Variants in NLGN1 observed in about 807,000 individuals in gnomAD.
The protein encoded by NLGN1 is neuroligin 1.
A neutral mutation model predicts 65.5 loss-of-function variants in NLGN1; 12 were observed. That is an observed-to-expected ratio of 0.18 (90% CI 0.12 to 0.30). NLGN1 has a LOEUF of 0.30. Ranked by LOEUF, NLGN1 falls within the 10% of genes least tolerant of loss-of-function variation. The pLI, the probability that NLGN1 is intolerant of heterozygous loss-of-function variation, is 1.00. For synonymous variants in NLGN1, 350 were observed against 359.5 expected (o/e 0.97, Z 0.30); for missense variants, 750 against 1,007.1 (o/e 0.74, Z 3.46).
At chr3:174,072,439 T>G (rs2152536449) in intron 4 of NLGN1, among the ~76,000 whole-genome samples, 1 of 152,252 alleles carries the variant, frequency 6.6e-6, no homozygotes, top group South Asian at 2.1e-4. Flanking sequence ...AATGGTTATT[T>G]GACAGGTGCC....
At chr3:173,700,878 C>T (rs1283990654) in intron 3 of NLGN1, among the ~76,000 whole-genome samples, 1 of 152,178 alleles carries the variant, frequency 6.6e-6, no homozygotes, top group East Asian at 1.9e-4. Flanking sequence ...GTAATCCCAG[C>T]ACTTTGGGAG....
chr3:173,776,208 A>C (rs896988606), intron 3 of NLGN1, among the ~76,000 whole-genome samples: 1 of 152,070 alleles, frequency 6.6e-6, no homozygotes, highest in Non-Finnish European at 1.5e-5. Context: ...TGAACAAAAA[A>C]ACTTTATTAG....
intron 4 of NLGN1, among the ~76,000 whole-genome samples, chr3:173,912,261 C>T (rs1332086752): frequency 6.6e-6 from 1 of 152,156 alleles, no homozygotes; most frequent in Non-Finnish European, 1.5e-5. Flanking sequence ...TAGTCACACT[C>T]TTTGATTCAA....
At chr3:174,289,195 C>T (rs1015091491), downstream of NLGN1, among the ~76,000 whole-genome samples, 2 of 151,290 alleles carry the variant, frequency 1.3e-5, no homozygotes, top group African/African-American at 4.8e-5. Flanking sequence ...TTACTAAGCC[C>T]TTTTATGTTC....
chr3:173,694,851 T>G (rs1315650332), intron 3 of NLGN1, among the ~76,000 whole-genome samples: 2 of 152,124 alleles, frequency 1.3e-5, no homozygotes, highest in African/African-American at 4.8e-5. Context: ...GCAAACAATA[T>G]TAGCAGAAAA....
chr3:173,562,050 T>G (rs1189501397), intron 2 of NLGN1, among the ~76,000 whole-genome samples: 1 of 152,084 alleles, frequency 6.6e-6, no homozygotes, highest in Non-Finnish European at 1.5e-5. Flanking sequence ...TTTTAGATGG[T>G]GGGGAAGCAT....
At chr3:174,061,178 G>A (rs760331591) in intron 4 of NLGN1, among the ~76,000 whole-genome samples, 1 of 152,034 alleles carries the variant, frequency 6.6e-6, no homozygotes, top group Non-Finnish European at 1.5e-5. Flanking sequence ...CACACAGATT[G>A]TAAAAGGTCA....
chr3:174,289,445 A>G (rs1421915608), downstream of NLGN1, among the ~76,000 whole-genome samples: 1 of 151,366 alleles, frequency 6.6e-6, no homozygotes, highest in Non-Finnish European at 1.5e-5. Context: ...CACAGCACAA[A>G]AGACACAATC....
chr3:173,739,009 G>T (rs1457578710), intron 3 of NLGN1, among the ~76,000 whole-genome samples: 1 of 152,008 alleles, frequency 6.6e-6, no homozygotes, highest in East Asian at 1.9e-4. Flanking sequence ...CATGGAGGAG[G>T]CTGTTCAAGA....
At chr3:174,061,479 C>A (rs1580074426) in intron 4 of NLGN1, among the ~76,000 whole-genome samples, 1 of 152,080 alleles carries the variant, frequency 6.6e-6, no homozygotes, top group Non-Finnish European at 1.5e-5. Flanking sequence ...AGGGATAAAG[C>A]ATGTCAGCTT....
intron 3 of NLGN1, among the ~76,000 whole-genome samples, chr3:173,650,813 A>C (rs1472469912): frequency 1.3e-5 from 2 of 152,102 alleles, no homozygotes; most frequent in Non-Finnish European, 2.9e-5. Context: ...TTCATTGGAG[A>C]AACCTCATAT....
At position 174,210,983 on chromosome 3, in the gene NLGN1, C is replaced by T. The variant is rs9820738; in HGVS notation, c.647-64332C>T. ...TCAAGAATGAAGCCGCGGACCCTCG[C>T]GGTGAGTGTTACAGCTCTTAAGGTG... On this transcript the variant is annotated intron_variant, in intron 4 of 6. Transcript: ENST00000457714. Among the ~76,000 whole-genome samples the T allele has an allele frequency of 4.3e-3, 658 of 152,256 alleles. 3 individuals are homozygous for T. Among genetic ancestry groups the T allele is most frequent in the African/African-American group, 0.015 (616 of 41,556 alleles).
intron 4 of NLGN1, among the ~76,000 whole-genome samples, chr3:173,832,708 C>G (rs914439329): frequency 1.3e-5 from 2 of 152,138 alleles, no homozygotes; most frequent in African/African-American, 4.8e-5. Flanking sequence ...CATCGTTATA[C>G]TTAACTAGTT....
chr3:174,147,445 T>TG (rs1425129088), intron 4 of NLGN1, among the ~76,000 whole-genome samples: 2 of 123,116 alleles, frequency 1.6e-5, no homozygotes, highest in Non-Finnish European at 3.1e-5. Flanking sequence ...TTTTTTTTTT[T>TG]TTTTTGAGAC....
chr3:173,640,007 A>G lies in NLGN1; in HGVS notation c.493+34916A>G, dbSNP rs190075401. Among the ~76,000 whole-genome samples, 36 of 152,156 alleles carry G rather than the reference A, an allele frequency of 2.4e-4. 1 individual carries two copies. In the East Asian group the frequency reaches 6.4e-3, roughly 27 times the overall value. ...CATGTTTAGCTTTTATTGAAAGTCTAAACTGCAATATTCTAATTCATTATT... is the reference window on the plus strand; with the variant it reads ...CATGTTTAGCTTTTATTGAAAGTCTGAACTGCAATATTCTAATTCATTATT... On this transcript the variant is annotated intron_variant, in intron 3 of 6. Coordinates refer to ENST00000457714, the Ensembl canonical transcript of NLGN1.
chr3:174,180,124 C>T lies in NLGN1; in HGVS notation c.647-95191C>T, dbSNP rs182984797. 8.3e-4 allele frequency among the ~76,000 whole-genome samples: 126 copies of T among 152,152 alleles called. No homozygotes were observed. The Middle Eastern group carries it at 0.014, about 16-fold the overall frequency. On this transcript the variant is annotated intron_variant, in intron 4 of 6. Coordinates refer to ENST00000457714, the Ensembl canonical transcript of NLGN1. Reference sequence around the variant, plus strand: ...CCCTTCCTTCAACTTGCTAAGGAGGCGAAAGAGTCACAGAAGAGTTACAAA... The same window carrying T: ...CCCTTCCTTCAACTTGCTAAGGAGGTGAAAGAGTCACAGAAGAGTTACAAA...
intron 1 of NLGN1, among the ~76,000 whole-genome samples, chr3:173,402,997 A>G (rs955979957): frequency 1.3e-5 from 2 of 152,142 alleles, no homozygotes; most frequent in African/African-American, 4.8e-5. Context: ...CCTAACAGGG[A>G]GTTCCACAAA....
chr3:173,660,602 A>G (rs902684544), intron 3 of NLGN1, among the ~76,000 whole-genome samples: 2 of 151,922 alleles, frequency 1.3e-5, no homozygotes, highest in Non-Finnish European at 2.9e-5. Flanking sequence ...TTGGAATATA[A>G]TACTTTAAAT....
intron 4 of NLGN1, among the ~76,000 whole-genome samples, chr3:174,051,535 G>A (rs1734872065): frequency 6.6e-6 from 1 of 152,002 alleles, no homozygotes; most frequent in Non-Finnish European, 1.5e-5. Context: ...TTTGCTCATA[G>A]CCTTATGTAT....
Sources: gnomAD v4.1 joint callset for allele counts (sites outside exome capture counted in the v4.1 genomes callset) on GRCh38, gnomAD v4.1.1 for gene constraint, MANE v1.5 for transcripts, NCBI Gene and HGNC (gene_info 2026-07-23, HGNC 2026-07-21) for gene names.